Variants in PDE8A observed in about 807,000 individuals in gnomAD.
PDE8A encodes the protein high affinity cAMP-specific and IBMX-insensitive 3',5'-cyclic phosphodiesterase 8A.
A neutral mutation model predicts 105.0 loss-of-function variants in PDE8A; 59 were observed. The ratio of observed to expected loss-of-function variants is 0.56; its 90% confidence interval spans 0.46 to 0.70. The LOEUF (loss-of-function observed/expected upper bound fraction) is 0.70, where lower values mean the gene tolerates loss of function less well. Among genes scored for constraint, PDE8A ranks in the 30% least tolerant of loss-of-function variants. The pLI is 0.00. For synonymous variants in PDE8A, 355 were observed against 371.9 expected (o/e 0.95, Z 0.52); for missense variants, 1,014 against 1,045.9 (o/e 0.97, Z 0.42).
intron 6 of PDE8A, among the ~76,000 whole-genome samples, chr15:85,086,284 C>T (rs1175866695): frequency 1.3e-5 from 2 of 152,136 alleles, no homozygotes; most frequent in East Asian, 3.9e-4. Context: ...TAAACTAACA[C>T]TTATAAAAGC....
intron 3 of PDE8A, among the ~76,000 whole-genome samples, chr15:85,071,789 G>T (rs546393700): frequency 6.6e-6 from 1 of 152,332 alleles, no homozygotes; most frequent in South Asian, 2.1e-4. Flanking sequence ...GCATTCAGGG[G>T]TGTGTAAACA....
chr15:85,100,757 G>A (rs2081849311), intron 11 of PDE8A, among the ~76,000 whole-genome samples: 1 of 152,228 alleles, frequency 6.6e-6, no homozygotes, highest in Non-Finnish European at 1.5e-5. Flanking sequence ...CCTCACAGAT[G>A]AAGGGGCTGG....
rs563631633 is a variant in PDE8A at position 85,091,901 on chromosome 15, C to CTTTTTTTTTTT, written c.852+730_852+740dup. Among the ~76,000 whole-genome samples, 801 of 88,328 alleles carry CTTTTTTTTTTT rather than the reference C, an allele frequency of 9.1e-3. 5 individuals carry two copies. The highest frequency in any genetic ancestry group is 0.014 in the Middle Eastern group (1 of 74). 57.9% of individuals were successfully genotyped at this position (88,328 alleles called of 152,430 possible). A position where few individuals can be genotyped will look rare whatever the true frequency, so the allele number is the denominator to read the frequency against. On this transcript the variant is annotated intron_variant, in intron 8 of 21. Transcript: ENST00000394553. ...ATCATTCATGGTCCTTTCTGCTGGACTTTTTTTTTTTTTTTTTTTTGCTTT... is the reference window on the plus strand; with the variant it reads ...ATCATTCATGGTCCTTTCTGCTGGACTTTTTTTTTTTTTTTTTTTTTTTTTTTTTTTGCTTT...
intron 1 of PDE8A, among the ~76,000 whole-genome samples, chr15:85,054,449 G>T (rs544252758): frequency 1.3e-5 from 2 of 152,040 alleles, no homozygotes; most frequent in South Asian, 2.1e-4. Flanking sequence ...CATCAGGTAC[G>T]GGACTTTTTT....
In PDE8A at chr15:85,100,150, T is replaced by C; in HGVS notation, c.994-6T>C. The C allele has an allele frequency of 8.1e-6, 13 of 1,613,946 alleles. No homozygotes were observed. Among genetic ancestry groups the C allele is most frequent in the Non-Finnish European group, 1.1e-5 (13 of 1,179,796 alleles). ...AGAACTAATGGCTTTTAAAATTCAC[T>C]TTTAGGCTGAGAAAATATCCGAATG... is the stretch of plus-strand genomic sequence containing the variant. On this transcript the variant is annotated splice_region_variant and splice_polypyrimidine_tract_variant and intron_variant, in intron 10 of 21. Coordinates refer to ENST00000394553, the MANE Select transcript of PDE8A (RefSeq NM_002605.3).
At chr15:85,113,743 C>T in intron 13 of PDE8A, 130 bp from the exon 14 acceptor site, 1 of 714,548 alleles carries the variant, frequency 1.4e-6, no homozygotes, top group Non-Finnish European at 2.3e-6. Flanking sequence ...TAGTCTCAAA[C>T]TCCTGGGCTC....
intron 5 of PDE8A, among the ~76,000 whole-genome samples, chr15:85,079,984 T>G (rs1230973573): frequency 6.6e-6 from 1 of 152,032 alleles, no homozygotes; most frequent in Non-Finnish European, 1.5e-5. Context: ...AGATAGGCTG[T>G]TAGATTGGGT....
chr15:84,995,528 T>G (rs2079962479), intron 1 of PDE8A, among the ~76,000 whole-genome samples: 1 of 152,124 alleles, frequency 6.6e-6, no homozygotes, highest in Non-Finnish European at 1.5e-5. Context: ...ATTATATTGC[T>G]CAGGCTGGTC....
intron 17 of PDE8A, among the ~76,000 whole-genome samples, 186 bp downstream of exon 17, chr15:85,118,025 G>T (rs2082123353): frequency 6.6e-6 from 1 of 152,208 alleles, no homozygotes; most frequent in Non-Finnish European, 1.5e-5. Flanking sequence ...GTTAATTCAT[G>T]ACATAATCCC....
intron 3 of PDE8A, among the ~76,000 whole-genome samples, chr15:85,074,799 A>G (rs766893026): frequency 5.2e-4 from 79 of 152,250 alleles, no homozygotes; most frequent in Non-Finnish European, 9.8e-4. Flanking sequence ...TTTGTGATTC[A>G]GAAGTGGCTC....
chr15:84,984,667 T>TA (rs1342082941), intron 1 of PDE8A, among the ~76,000 whole-genome samples: 2 of 152,218 alleles, frequency 1.3e-5, no homozygotes, highest in African/African-American at 4.8e-5. Flanking sequence ...TACTTTGCGT[T>TA]AAAGTGTATC....
chr15:85,073,490 G>A (rs1395665122), intron 3 of PDE8A, among the ~76,000 whole-genome samples: 4 of 152,124 alleles, frequency 2.6e-5, no homozygotes, highest in Non-Finnish European at 5.9e-5. Context: ...TCATTCTTGT[G>A]TCTCCAGATA....
intron 1 of PDE8A, among the ~76,000 whole-genome samples, chr15:85,023,119 T>C (rs1012145380): frequency 1.3e-4 from 20 of 152,226 alleles, no homozygotes; most frequent in African/African-American, 4.1e-4. Flanking sequence ...AGGCAAACAT[T>C]TGAAGGAGTT....
At chr15:85,040,996 C>T (rs1172629880) in intron 1 of PDE8A, among the ~76,000 whole-genome samples, 7 of 152,014 alleles carry the variant, frequency 4.6e-5, no homozygotes, top group African/African-American at 1.5e-4. Flanking sequence ...CTCGTAACCC[C>T]CTGCCACCAC....
chr15:85,116,073 T>C lies in PDE8A; in HGVS notation c.1489T>C (p.Tyr497His), dbSNP rs776002203. 6.2e-7 allele frequency: 1 copy of C among 1,614,042 alleles called. No individual in the cohort carries two copies. The highest frequency in any genetic ancestry group is 8.5e-7 in the Non-Finnish European group (1 of 1,179,898). ...RIARAMENEE[Y>H]WDFDIFELEA... Reference sequence around the variant, plus strand: ...AGCTCGGGCCATGGAAAATGAGGAATACTGGGACTTTGATATTTTTGAACT... The same window carrying C: ...AGCTCGGGCCATGGAAAATGAGGAACACTGGGACTTTGATATTTTTGAACT... The change falls in exon 16 of 22, where the codon TAC becomes CAC. Residue 497 changes from tyrosine to histidine, a missense_variant. Tyr to His is a moderately conservative substitution (Grantham distance 83). Coordinates refer to ENST00000394553, the MANE Select transcript of PDE8A (RefSeq NM_002605.3).
At chr15:85,050,437 C>G (rs1023371638) in intron 1 of PDE8A, among the ~76,000 whole-genome samples, 11 of 152,216 alleles carry the variant, frequency 7.2e-5, no homozygotes, top group African/African-American at 2.6e-4. Context: ...TTTAGGAATT[C>G]TGTGTATTAG....
At chr15:85,095,187 A>G (rs12913859) in intron 8 of PDE8A, among the ~76,000 whole-genome samples, 31,466 of 152,044 alleles carry the variant, frequency 0.21, 4,294 homozygotes, top group Middle Eastern at 0.32. Flanking sequence ...GCCTGGAGAA[A>G]GAGGCCTATG....
chr15:85,114,973 G>A (rs1185987114), intron 14 of PDE8A, among the ~76,000 whole-genome samples: 1 of 152,058 alleles, frequency 6.6e-6, no homozygotes, highest in African/African-American at 2.4e-5. Context: ...TCAACTGTGG[G>A]GAATGAGGTC....
At chr15:85,118,346 A>C (rs752815405) in intron 17 of PDE8A, among the ~76,000 whole-genome samples, 2 of 152,064 alleles carry the variant, frequency 1.3e-5, no homozygotes, top group Non-Finnish European at 2.9e-5. Context: ...TCCACTCCTC[A>C]ACCCCCCACA....
Sources: gnomAD v4.1 joint callset for allele counts (sites outside exome capture counted in the v4.1 genomes callset) on GRCh38, gnomAD v4.1.1 for gene constraint, MANE v1.5 for transcripts, NCBI Gene and HGNC (gene_info 2026-07-23, HGNC 2026-07-21) for gene names.